CFAP61: variants seen among roughly 807,000 people sequenced by gnomAD.
The protein encoded by CFAP61 is cilia- and flagella-associated protein 61.
Under a neutral mutation model 135.6 loss-of-function variants are expected in CFAP61, and 107 were observed. That is an observed-to-expected ratio of 0.79 (90% CI 0.67 to 0.93). The LOEUF is 0.93. Ranked by LOEUF, CFAP61 falls within the 40% of genes least tolerant of loss-of-function variation. The pLI, the probability that CFAP61 is intolerant of heterozygous loss-of-function variation, is 0.00. For missense variants in CFAP61, 1,507 were observed against 1,556.2 expected (o/e 0.97, Z 0.53); for synonymous variants, 575 against 578.5 (o/e 0.99, Z 0.09).
At chr20:20,054,472 A>G (rs2044123899) in intron 1 of CFAP61, among the ~76,000 whole-genome samples, 2 of 152,146 alleles carry the variant, frequency 1.3e-5, no homozygotes, top group Non-Finnish European at 2.9e-5. Context: ...CTTTATATGT[A>G]GTTTACATTT....
In CFAP61 at chr20:20,100,998, C is replaced by T. The variant is rs192015649; in HGVS notation, c.859+2184C>T. The stretch of plus-strand genomic sequence containing the variant: ...TGAAAGTCAGCTTTATGTTCATTGA[C>T]ACAAAGATGATTCCTTATGAAATTT... On this transcript the variant is annotated intron_variant, in intron 8 of 26. Transcript: ENST00000245957. Among the ~76,000 whole-genome samples, 32 of 152,288 alleles carry T rather than the reference C, an allele frequency of 2.1e-4. 1 individual carries two copies. The highest frequency in any genetic ancestry group is 6.0e-4 in the African/African-American group (25 of 41,564).
At chr20:20,331,416 G>T (rs2057988076) in intron 25 of CFAP61, among the ~76,000 whole-genome samples, 1 of 113,570 alleles carries the variant, frequency 8.8e-6, no homozygotes. Flanking sequence ...TATTCTCTCT[G>T]TAAAAGCTTT....
At chr20:20,121,642 A>G (rs1214564542) in intron 8 of CFAP61, among the ~76,000 whole-genome samples, 2 of 152,128 alleles carry the variant, frequency 1.3e-5, no homozygotes, top group East Asian at 3.9e-4. Context: ...TTACAGGCAC[A>G]TGCCCCTGTG....
rs536145971 is a variant in CFAP61, at chr20:20,353,746, C to G, written c.3514-6464C>G. ...GATATATTTAAAAAAGGATCAACCTCATGAATCATCAGGGAAATGGAAATT... is the reference window on the plus strand; with the variant it reads ...GATATATTTAAAAAAGGATCAACCTGATGAATCATCAGGGAAATGGAAATT... On this transcript the variant is annotated intron_variant, in intron 26 of 26. Coordinates refer to ENST00000245957, the MANE Select transcript of CFAP61 (RefSeq NM_015585.4). 1.4e-4 allele frequency among the ~76,000 whole-genome samples: 22 copies of G among 152,292 alleles called. 1 individual carries two copies. Among genetic ancestry groups the G allele is most frequent in the Non-Finnish European group, 2.6e-4 (18 of 68,036 alleles).
intron 8 of CFAP61, among the ~76,000 whole-genome samples, chr20:20,108,298 A>T (rs773846626): frequency 4.6e-5 from 7 of 152,212 alleles, no homozygotes; most frequent in Non-Finnish European, 1.0e-4. Context: ...ATTTGAGGAA[A>T]TAATACTAAT....
chr20:20,252,968 A>G (rs534778481), intron 20 of CFAP61, among the ~76,000 whole-genome samples: 2 of 152,338 alleles, frequency 1.3e-5, no homozygotes, highest in South Asian at 2.1e-4. Context: ...CAGGTGCCCC[A>G]CATGCTTCTA....
At chr20:20,054,755 CTAAT>C (rs2044165176) in intron 1 of CFAP61, among the ~76,000 whole-genome samples, 1 of 152,152 alleles carries the variant, frequency 6.6e-6, no homozygotes, top group Admixed American at 6.5e-5. Context: ...TTCTGTCAGT[CTAAT>C]TATTTTTTAT....
chr20:20,279,414 T>G (rs894520397), intron 22 of CFAP61, among the ~76,000 whole-genome samples: 5 of 152,182 alleles, frequency 3.3e-5, no homozygotes, highest in Non-Finnish European at 1.5e-5. Flanking sequence ...GTATACTCTA[T>G]CCTCACCATA....
At chr20:20,211,052 T>A (rs1383180077) in intron 17 of CFAP61, among the ~76,000 whole-genome samples, 1 of 152,206 alleles carries the variant, frequency 6.6e-6, no homozygotes, top group African/African-American at 2.4e-5. Flanking sequence ...AGGTTTTACA[T>A]TCAAATTAAA....
chr20:20,198,091 G>A (rs1328588929), intron 16 of CFAP61, among the ~76,000 whole-genome samples: 2 of 152,162 alleles, frequency 1.3e-5, no homozygotes, highest in African/African-American at 4.8e-5. Flanking sequence ...AAACAGAAAA[G>A]GTTTTGAGTG....
intron 13 of CFAP61, chr20:20,171,973 C>T: frequency 2.2e-6 from 1 of 462,470 alleles, no homozygotes; most frequent in Non-Finnish European, 3.9e-6. Context: ...GCACTTTCCT[C>T]TTAGGGGACA....
At chr20:20,152,264 A>G (rs2052505126) in intron 9 of CFAP61, among the ~76,000 whole-genome samples, 1 of 152,192 alleles carries the variant, frequency 6.6e-6, no homozygotes, top group African/African-American at 2.4e-5. Context: ...TAGAACCTCC[A>G]TAAGCATAAA....
chr20:20,342,394 T>C (rs1194277366), intron 26 of CFAP61, among the ~76,000 whole-genome samples: 1 of 152,248 alleles, frequency 6.6e-6, no homozygotes, highest in African/African-American at 2.4e-5. Context: ...CAGAATTAAC[T>C]GGACATTAGG....
intron 20 of CFAP61, among the ~76,000 whole-genome samples, chr20:20,254,713 A>C (rs1013398842): frequency 4.6e-5 from 7 of 152,248 alleles, no homozygotes; most frequent in Non-Finnish European, 1.0e-4. Context: ...TCTAAAAAAC[A>C]AATTAAAATA....
At chr20:20,055,004 C>G (rs1325922600) in intron 1 of CFAP61, among the ~76,000 whole-genome samples, 2 of 152,076 alleles carry the variant, frequency 1.3e-5, no homozygotes, top group African/African-American at 4.8e-5. Flanking sequence ...TTACTGAATT[C>G]TGTATTTTCT....
chr20:20,300,118 A>G (rs2055964030), intron 25 of CFAP61, among the ~76,000 whole-genome samples: 1 of 152,208 alleles, frequency 6.6e-6, no homozygotes, highest in Admixed American at 6.5e-5. Flanking sequence ...GTTTGTGGTG[A>G]TGCTGGGTCA....
chr20:20,088,273 T>C (rs895766574), intron 6 of CFAP61, among the ~76,000 whole-genome samples: 1 of 152,114 alleles, frequency 6.6e-6, no homozygotes, highest in African/African-American at 2.4e-5. Flanking sequence ...TCCAGAGAGT[T>C]TTGACAAGAG....
intron 13 of CFAP61, among the ~76,000 whole-genome samples, chr20:20,172,942 C>T (rs1039734657): frequency 2.6e-5 from 4 of 152,196 alleles, no homozygotes; most frequent in African/African-American, 7.2e-5. Context: ...TCTGTCTGTT[C>T]GTCCCTCGTT....
chr20:20,130,366 C>T (rs543317416), intron 8 of CFAP61, among the ~76,000 whole-genome samples: 1 of 151,716 alleles, frequency 6.6e-6, no homozygotes, highest in Admixed American at 6.6e-5. Context: ...CACATATTGC[C>T]GTCTTATTAG....
Sources: allele counts gnomAD v4.1 joint callset (sites outside exome capture counted in the v4.1 genomes callset), GRCh38; gene constraint gnomAD v4.1.1; transcripts MANE v1.5; gene names NCBI Gene and HGNC (gene_info 2026-07-23, HGNC 2026-07-21).